Variants in CDH2 observed in about 807,000 individuals in gnomAD.
CDH2 encodes the protein cadherin-2.
In CDH2, 17 loss-of-function variants were observed where a neutral mutation model predicts 92.0. The observed-to-expected ratio is 0.18, with a 90% CI of 0.13 to 0.28. CDH2 has a LOEUF of 0.28. Among genes scored for constraint, CDH2 ranks in the 10% least tolerant of loss-of-function variants. The pLI is 1.00. For missense variants in CDH2, 862 were observed against 1,133.1 expected, an observed-to-expected ratio of 0.76 and a Z score of 3.44; for synonymous variants, 419 against 415.9, an observed-to-expected ratio of 1.01 and a Z score of -0.09.
At chr18:28,147,849 T>G in intron 1 of CDH2, 65 bp from the exon 2 acceptor site, 1 of 908,604 alleles carries the variant, frequency 1.1e-6, no homozygotes, top group Non-Finnish European at 1.7e-6. Flanking sequence ...CTGAGAAACA[T>G]TCCACTTGGC....
intron 2 of CDH2, among the ~76,000 whole-genome samples, chr18:28,045,062 C>A (rs593887): frequency 1.3e-5 from 2 of 152,064 alleles, no homozygotes; most frequent in Non-Finnish European, 2.9e-5. Flanking sequence ...AAAATTAACA[C>A]CCACATTCCT....
At chr18:28,120,329 T>C (rs1249615139) in intron 2 of CDH2, among the ~76,000 whole-genome samples, 3 of 152,058 alleles carry the variant, frequency 2.0e-5, no homozygotes, top group Non-Finnish European at 4.4e-5. Flanking sequence ...TTCATCATGC[T>C]GATAGGTCCA....
At chr18:28,176,564 A>C (rs576793945) in intron 1 of CDH2, among the ~76,000 whole-genome samples, 1 of 152,260 alleles carries the variant, frequency 6.6e-6, no homozygotes, top group South Asian at 2.1e-4. Context: ...ATCCCTGCAG[A>C]AATAAACAAA....
chr18:27,968,891 C>A (rs1456446299), intron 14 of CDH2, among the ~76,000 whole-genome samples: 3 of 152,076 alleles, frequency 2.0e-5, no homozygotes, highest in Non-Finnish European at 4.4e-5. Flanking sequence ...ACTTCAGACA[C>A]AAAAAGAAAT....
intron 13 of CDH2, among the ~76,000 whole-genome samples, chr18:27,983,828 A>T (rs1019873979): frequency 6.6e-5 from 10 of 152,346 alleles, no homozygotes; most frequent in Admixed American, 6.5e-4. Context: ...TTTCTTGATA[A>T]CATTGGCATC....
intron 2 of CDH2, among the ~76,000 whole-genome samples, chr18:28,018,233 G>C (rs1218860998): frequency 1.3e-5 from 2 of 149,248 alleles, no homozygotes; most frequent in East Asian, 3.9e-4. Context: ...AAAAATCACA[G>C]ATGACACAAA....
chr18:28,022,779 G>T (rs1297874056), intron 2 of CDH2, among the ~76,000 whole-genome samples: 1 of 151,848 alleles, frequency 6.6e-6, no homozygotes, highest in Non-Finnish European at 1.5e-5. Flanking sequence ...ACTTTTTTTA[G>T]GTTTTCAATA....
intron 2 of CDH2, among the ~76,000 whole-genome samples, chr18:28,088,547 T>G (rs891758450): frequency 6.6e-6 from 1 of 152,154 alleles, no homozygotes; most frequent in African/African-American, 2.4e-5. Context: ...TTCAGCCTCA[T>G]GTGCTTGAAG....
chr18:28,082,548 C>T (rs189799770), intron 2 of CDH2, among the ~76,000 whole-genome samples: 2 of 152,154 alleles, frequency 1.3e-5, no homozygotes, highest in South Asian at 2.1e-4. Flanking sequence ...TTAATAGGTA[C>T]CCCCCATTCA....
chr18:28,119,366 A>G (rs932688496), intron 2 of CDH2, among the ~76,000 whole-genome samples: 4 of 152,090 alleles, frequency 2.6e-5, no homozygotes, highest in African/African-American at 4.8e-5. Context: ...TGTGAATAGA[A>G]TAATGTTCAA....
chr18:27,969,030 C>T (rs574849583), intron 14 of CDH2, among the ~76,000 whole-genome samples: 2 of 152,266 alleles, frequency 1.3e-5, no homozygotes, highest in South Asian at 2.1e-4. Context: ...CAAATATACC[C>T]GTGCAAGCTT....
At chr18:28,029,522 G>A (rs2013641001) in intron 2 of CDH2, among the ~76,000 whole-genome samples, 1 of 151,662 alleles carries the variant, frequency 6.6e-6, no homozygotes, top group Admixed American at 6.6e-5. Flanking sequence ...TTACCTATGT[G>A]AACACACCAA....
At chr18:28,072,832 A>G (rs932006925) in intron 2 of CDH2, among the ~76,000 whole-genome samples, 69 of 152,348 alleles carry the variant, frequency 4.5e-4, no homozygotes, top group African/African-American at 1.6e-3. Context: ...AAGCGACAAC[A>G]TATGTTCAAA....
intron 2 of CDH2, among the ~76,000 whole-genome samples, chr18:28,113,028 C>G (rs553797720): frequency 3.3e-5 from 5 of 152,048 alleles, no homozygotes; most frequent in Non-Finnish European, 7.4e-5. Context: ...TATGTGTGGA[C>G]TATGATGATA....
At chr18:28,015,719 C>T (rs1019411428) in intron 2 of CDH2, among the ~76,000 whole-genome samples, 1 of 152,100 alleles carries the variant, frequency 6.6e-6, no homozygotes, top group Non-Finnish European at 1.5e-5. Flanking sequence ...TCCATAAACA[C>T]CTGGACTGTT....
chr18:28,032,012 A>C (rs1219010623), intron 2 of CDH2, among the ~76,000 whole-genome samples: 3 of 152,110 alleles, frequency 2.0e-5, no homozygotes, highest in Non-Finnish European at 4.4e-5. Context: ...TCTCTTCAAT[A>C]AAATCTAAAA....
At chr18:28,009,678 C>T (rs201641355) in intron 5 of CDH2, 39 bp downstream of exon 5, 218 of 1,596,400 alleles carry the variant, frequency 1.4e-4, no homozygotes, top group Middle Eastern at 3.6e-4. Context: ...ACATTTAGAA[C>T]TGTTAATACA....
intron 1 of CDH2, among the ~76,000 whole-genome samples, chr18:28,169,855 TAATC>T (rs1272655359): frequency 6.6e-6 from 1 of 152,224 alleles, no homozygotes; most frequent in Non-Finnish European, 1.5e-5. Flanking sequence ...ACTGCTTACT[TAATC>T]AAGGCAGTGG....
intron 1 of CDH2, among the ~76,000 whole-genome samples, chr18:28,157,895 G>T (rs1014491988): frequency 6.6e-6 from 1 of 152,108 alleles, no homozygotes; most frequent in African/African-American, 2.4e-5. Flanking sequence ...AGTATACATG[G>T]AAAGTTATCA....
Sources: allele counts gnomAD v4.1 joint callset (sites outside exome capture counted in the v4.1 genomes callset), GRCh38; gene constraint gnomAD v4.1.1; transcripts MANE v1.5; gene names NCBI Gene and HGNC (gene_info 2026-07-23, HGNC 2026-07-21).